VPS37A: variants seen among roughly 807,000 people sequenced by gnomAD.
VPS37A encodes vacuolar protein sorting-associated protein 37A.
Under a neutral mutation model 49.8 loss-of-function variants are expected in VPS37A, and 30 were observed. The ratio of observed to expected loss-of-function variants is 0.60; its 90% CI spans 0.45 to 0.82. The LOEUF is 0.82. VPS37A is among the 40% of genes least tolerant of loss of function. The pLI is 0.00. For missense variants in VPS37A, 593 were observed against 464.4 expected, an observed-to-expected ratio of 1.28 and a Z score of -2.55; for synonymous variants, 195 against 160.6, an observed-to-expected ratio of 1.21 and a Z score of -1.62.
At chr8:17,328,819 A>G in the VPS37A span, among the ~76,000 whole-genome samples, 11 of 152,230 alleles carry the variant, frequency 7.2e-5, no homozygotes, top group African/African-American at 2.4e-4. Context: ...ACTTCATTAA[A>G]TAACAAAATT....
chr8:17,328,683 G>A, the VPS37A span, among the ~76,000 whole-genome samples: 4 of 152,006 alleles, frequency 2.6e-5, no homozygotes, highest in Non-Finnish European at 2.9e-5. Flanking sequence ...GTTCACTTAT[G>A]TACATCCTGC....
chr8:17,331,724 AAC>A, the VPS37A span, among the ~76,000 whole-genome samples: 3 of 152,214 alleles, frequency 2.0e-5, no homozygotes, highest in African/African-American at 4.8e-5. Context: ...ATTGCCAATA[AAC>A]ACGTTATCAA....
At chr8:17,256,290 ATTTTTT>A (rs529736602) in intron 1 of VPS37A, among the ~76,000 whole-genome samples, 4 of 60,404 alleles carry the variant, frequency 6.6e-5, no homozygotes, top group South Asian at 8.3e-4. Context: ...GGGTAAAATG[ATTTTTT>A]TTTTTTTTTT....
In VPS37A at chr8:17,274,958, G is replaced by T. The variant is rs747596394; in HGVS notation, c.642G>T (p.Pro214=). 5.0e-6 allele frequency: 8 copies of T among 1,612,402 alleles called. No individual in the cohort carries two copies. The highest frequency in any genetic ancestry group is 1.1e-5 in the South Asian group (1 of 91,006). Residue 214 remains proline (P), a splice_region_variant and synonymous_variant, in exon 5 of 12, where the codon CCG becomes CCT. Coordinates refer to ENST00000324849, the MANE Select transcript of VPS37A (RefSeq NM_152415.3). ...LPIPTVDASI[P]TSQNGFGYKM... ...TTCCCACAGTGGATGCTTCAATACC[G>T]GTTGGTATCGTCAGTTATCTATATT...
chr8:17,257,014 T>G (rs566901270), intron 1 of VPS37A, among the ~76,000 whole-genome samples: 1 of 152,362 alleles, frequency 6.6e-6, no homozygotes, highest in Admixed American at 6.5e-5. Flanking sequence ...AACAATGTAC[T>G]GAAGCATTTC....
At chr8:17,248,212 T>C in intron 1 of VPS37A, 1 of 414,964 alleles carries the variant, frequency 2.4e-6, no homozygotes, top group Non-Finnish European at 4.7e-6. Flanking sequence ...TACTTAACAG[T>C]TTCACACTAT....
chr8:17,262,343 T>C (rs1359281236), intron 1 of VPS37A, among the ~76,000 whole-genome samples: 1 of 152,214 alleles, frequency 6.6e-6, no homozygotes, highest in Non-Finnish European at 1.5e-5. Flanking sequence ...TATTAAGGTC[T>C]ATTTGTTTCC....
rs748825519 is a variant in VPS37A at position 17,284,634 on chromosome 8, G to A, written c.1113+18G>A. 5.1e-6 allele frequency: 8 copies of A among 1,572,142 alleles called. No individual in the cohort carries two copies. The highest frequency in any genetic ancestry group is 6.9e-6 in the Non-Finnish European group (8 of 1,165,714). ...AGAGAACAGTATGTAATACTCGTCAGTTGAGGACAAGTATTGGATAAAGTT... is the reference window on the plus strand; with the variant it reads ...AGAGAACAGTATGTAATACTCGTCAATTGAGGACAAGTATTGGATAAAGTT... On this transcript the variant is annotated intron_variant, in intron 10 of 11. Coordinates refer to ENST00000324849, the MANE Select transcript of VPS37A (RefSeq NM_152415.3).
intron 1 of VPS37A, among the ~76,000 whole-genome samples, chr8:17,263,283 A>G (rs914552087): frequency 1.3e-5 from 2 of 152,164 alleles, no homozygotes; most frequent in African/African-American, 4.8e-5. Flanking sequence ...GTTTTGGAAT[A>G]AGTTTTTTAA....
chr8:17,299,198 T>C (rs1264844696), downstream of VPS37A: 1 of 152,230 alleles, frequency 6.6e-6, no homozygotes, highest in Non-Finnish European at 1.5e-5. Context: ...AAAAGTGAGA[T>C]ACAAGGTTTA....
At chr8:17,255,075 A>G (rs989907823) in intron 1 of VPS37A, among the ~76,000 whole-genome samples, 4 of 152,202 alleles carry the variant, frequency 2.6e-5, no homozygotes, top group Non-Finnish European at 1.5e-5. Flanking sequence ...AACACCCCAT[A>G]TTCATCTCTG....
Position 17,276,434 on chromosome 8 carries a change from T to G in VPS37A, c.680T>G (p.Val227Gly). The G allele has an allele frequency of 6.2e-7, 1 of 1,612,762 alleles. No individual in the cohort carries two copies. Among genetic ancestry groups the G allele is most frequent in the Non-Finnish European group, 8.5e-7 (1 of 1,179,414 alleles). Residue 227 changes from valine to glycine, a missense_variant, in exon 6 of 12, where the codon GTC (valine) becomes GGC (glycine). By Grantham distance (109) the Val-to-Gly change is moderately radical (BLOSUM62 -3). Coordinates refer to ENST00000324849, the MANE Select transcript of VPS37A (RefSeq NM_152415.3). ...GGTTTTGGGTACAAGATGCCAGATG[T>G]CCCTGATGCATTTCCAGAACTCTCA... is the stretch of plus-strand genomic sequence containing the variant. ...QNGFGYKMPD[V>G]PDAFPELSEL...
At chr8:17,253,768 A>T (rs940670461) in intron 1 of VPS37A, among the ~76,000 whole-genome samples, 2 of 152,208 alleles carry the variant, frequency 1.3e-5, no homozygotes, top group Non-Finnish European at 2.9e-5. Context: ...TATTAAAAAA[A>T]TGTGAAATAA....
chr8:17,275,768 A>C (rs73669048), intron 5 of VPS37A, among the ~76,000 whole-genome samples: 1 of 152,208 alleles, frequency 6.6e-6, no homozygotes, highest in Non-Finnish European at 1.5e-5. Flanking sequence ...TTACTCAAGT[A>C]TGAAACCATA....
chr8:17,306,067 T>A (rs867983437), downstream of VPS37A: 30 of 844,360 alleles, frequency 3.6e-5, no homozygotes, highest in Middle Eastern at 7.0e-4. Context: ...ATAAATCTTA[T>A]CTTACAAACT....
At chr8:17,280,592 C>A in intron 9 of VPS37A, 149 bp downstream of exon 9, 2 of 683,308 alleles carry the variant, frequency 2.9e-6, no homozygotes, top group Non-Finnish European at 4.7e-6. Flanking sequence ...GGATGAACAG[C>A]TCTCAGTGAT....
chr8:17,287,100 T>C (rs147755394), intron 11 of VPS37A, among the ~76,000 whole-genome samples: 1 of 152,244 alleles, frequency 6.6e-6, no homozygotes, highest in Non-Finnish European at 1.5e-5. Flanking sequence ...CACGGTATCT[T>C]TGGCCGTGCT....
the VPS37A span, among the ~76,000 whole-genome samples, chr8:17,327,863 ACT>A: frequency 7.6e-4 from 116 of 152,320 alleles, no homozygotes; most frequent in African/African-American, 2.6e-3. Flanking sequence ...ATTTCAACTT[ACT>A]GTTTACTCTT....
intron 1 of VPS37A, among the ~76,000 whole-genome samples, chr8:17,259,549 C>G (rs1812786192): frequency 6.6e-6 from 1 of 152,086 alleles, no homozygotes; most frequent in Non-Finnish European, 1.5e-5. Flanking sequence ...TATTCTGCAG[C>G]AATTGAGTGC....
Sources: gnomAD v4.1 joint callset for allele counts (sites outside exome capture counted in the v4.1 genomes callset) on GRCh38, gnomAD v4.1.1 for gene constraint, MANE v1.5 for transcripts, NCBI Gene and HGNC (gene_info 2026-07-23, HGNC 2026-07-21) for gene names.